RAB3C: variants seen among roughly 807,000 people sequenced by gnomAD.
RAB3C encodes ras-related protein Rab-3C.
In RAB3C, 17 loss-of-function variants were observed where a neutral mutation model predicts 26.4. The ratio of observed to expected loss-of-function variants is 0.64; its 90% CI spans 0.44 to 0.97. RAB3C has a LOEUF of 0.97. Among genes scored for constraint, RAB3C ranks in the 50% least tolerant of loss-of-function variants. RAB3C has a pLI of 0.00. For synonymous variants in RAB3C, 91 were observed against 95.9 expected (o/e 0.95, Z 0.30); for missense variants, 242 against 281.9 (o/e 0.86, Z 1.01).
chr5:58,624,562 A>G (rs1028645736), intron 2 of RAB3C, among the ~76,000 whole-genome samples: 2 of 152,180 alleles, frequency 1.3e-5, no homozygotes, highest in Non-Finnish European at 2.9e-5. Flanking sequence ...GCTAAAGCCC[A>G]CTTGGAAGGT....
chr5:58,820,914 A>G (rs1743325689), intron 3 of RAB3C, among the ~76,000 whole-genome samples: 1 of 152,188 alleles, frequency 6.6e-6, no homozygotes, highest in Non-Finnish European at 1.5e-5. Context: ...TTATTATGTC[A>G]GCAGAACTGA....
intron 3 of RAB3C, among the ~76,000 whole-genome samples, chr5:58,789,179 T>C (rs959396902): frequency 2.0e-5 from 3 of 152,064 alleles, no homozygotes; most frequent in Admixed American, 6.6e-5. Context: ...ACCACTCTTA[T>C]TTGGTTATGC....
At chr5:58,806,042 G>A (rs1408363938) in intron 3 of RAB3C, among the ~76,000 whole-genome samples, 1 of 152,140 alleles carries the variant, frequency 6.6e-6, no homozygotes, top group Non-Finnish European at 1.5e-5. Flanking sequence ...GTAAGGGAAG[G>A]TGGAAAAAAT....
intron 4 of RAB3C, among the ~76,000 whole-genome samples, chr5:58,837,222 C>T (rs1743769392): frequency 6.6e-6 from 1 of 152,060 alleles, no homozygotes; most frequent in Non-Finnish European, 1.5e-5. Flanking sequence ...ACTCTGTCAC[C>T]CAGGCTGGAG....
At chr5:58,618,217 T>G (rs183314108) in intron 2 of RAB3C, among the ~76,000 whole-genome samples, 3 of 152,298 alleles carry the variant, frequency 2.0e-5, no homozygotes, top group African/African-American at 7.2e-5. Context: ...ACTCCTTCTC[T>G]GACATTTTTG....
intron 4 of RAB3C, among the ~76,000 whole-genome samples, chr5:58,842,024 G>A (rs1271977607): frequency 6.6e-6 from 1 of 152,188 alleles, no homozygotes; most frequent in Non-Finnish European, 1.5e-5. Context: ...TACAGAGCAA[G>A]TAAACCTGTA....
intron 3 of RAB3C, among the ~76,000 whole-genome samples, chr5:58,737,784 C>A (rs565912029): frequency 5.3e-5 from 8 of 151,964 alleles, no homozygotes; most frequent in African/African-American, 1.9e-4. Context: ...CAAACCAATG[C>A]TCTCAATTCA....
At chr5:58,700,387 T>C (rs983970757) in intron 2 of RAB3C, among the ~76,000 whole-genome samples, 13 of 152,238 alleles carry the variant, frequency 8.5e-5, no homozygotes, top group African/African-American at 1.2e-4. Flanking sequence ...AAGCAAAGAA[T>C]GCATTTTGTG....
chr5:58,717,610 G>T (rs545765540), intron 2 of RAB3C, among the ~76,000 whole-genome samples: 68 of 152,174 alleles, frequency 4.5e-4, no homozygotes, highest in African/African-American at 1.6e-3. Flanking sequence ...GCTCCCTTCT[G>T]CCCCTGTTAA....
At chr5:58,614,907 C>A (rs1045673180) in intron 1 of RAB3C, among the ~76,000 whole-genome samples, 5 of 151,936 alleles carry the variant, frequency 3.3e-5, no homozygotes, top group African/African-American at 1.2e-4. Flanking sequence ...AGAATAATAA[C>A]CACTGTTTAC....
intron 1 of RAB3C, among the ~76,000 whole-genome samples, chr5:58,594,604 A>G (rs1054823286): frequency 6.6e-6 from 1 of 152,084 alleles, no homozygotes; most frequent in African/African-American, 2.4e-5. Context: ...GATAATCCAG[A>G]TATTCCTTTG....
intron 2 of RAB3C, among the ~76,000 whole-genome samples, chr5:58,713,010 C>T (rs2111899486): frequency 6.6e-6 from 1 of 152,232 alleles, no homozygotes; most frequent in Admixed American, 6.5e-5. Flanking sequence ...AAAGAATAAA[C>T]ACACATACTA....
chr5:58,733,758 T>G (rs1741077793), intron 3 of RAB3C, among the ~76,000 whole-genome samples: 1 of 152,154 alleles, frequency 6.6e-6, no homozygotes, highest in African/African-American at 2.4e-5. Flanking sequence ...ACCAGAGAGT[T>G]TACTGGGTTT....
chr5:58,825,588 G>C (rs1743457502), intron 4 of RAB3C, among the ~76,000 whole-genome samples: 1 of 152,106 alleles, frequency 6.6e-6, no homozygotes, highest in Admixed American at 6.6e-5. Context: ...TCTGATTCTA[G>C]TGACATCACT....
chr5:58,591,504 A>T (rs2111657504), intron 1 of RAB3C, among the ~76,000 whole-genome samples: 1 of 151,652 alleles, frequency 6.6e-6, no homozygotes, highest in East Asian at 1.9e-4. Flanking sequence ...TATCTCCAGC[A>T]ATACTCCTTG....
chr5:58,736,560 A>C (rs553919952), intron 3 of RAB3C, among the ~76,000 whole-genome samples: 1 of 152,316 alleles, frequency 6.6e-6, no homozygotes, highest in African/African-American at 2.4e-5. Flanking sequence ...TTGCTCTCAA[A>C]TTCTTTTGTG....
At chr5:58,765,833 G>T (rs1413899683) in intron 3 of RAB3C, among the ~76,000 whole-genome samples, 1 of 152,076 alleles carries the variant, frequency 6.6e-6, no homozygotes, top group African/African-American at 2.4e-5. Context: ...TTACAGGAGG[G>T]GCCTGGTGGG....
intron 2 of RAB3C, among the ~76,000 whole-genome samples, chr5:58,659,702 A>G (rs1267961305): frequency 6.6e-6 from 1 of 152,240 alleles, no homozygotes; most frequent in African/African-American, 2.4e-5. Flanking sequence ...AAACTTGTCA[A>G]TATTAAACTT....
intron 3 of RAB3C, among the ~76,000 whole-genome samples, chr5:58,806,487 C>T (rs1325815747): frequency 6.6e-6 from 1 of 152,116 alleles, no homozygotes; most frequent in Non-Finnish European, 1.5e-5. Flanking sequence ...CTACTTCATA[C>T]CAAGATGAAC....
Sources: gnomAD v4.1 joint callset for allele counts (sites outside exome capture counted in the v4.1 genomes callset) on GRCh38, gnomAD v4.1.1 for gene constraint, MANE v1.5 for transcripts, NCBI Gene and HGNC (gene_info 2026-07-23, HGNC 2026-07-21) for gene names.